CUX1: variants seen among roughly 807,000 people sequenced by gnomAD.
CUX1 encodes the protein protein CASP.
In CUX1, 31 loss-of-function variants were observed where a neutral mutation model predicts 158.8. That is an observed-to-expected ratio of 0.20 (90% CI 0.15 to 0.26). CUX1 has a LOEUF of 0.26. CUX1 is among the 10% of genes least tolerant of loss of function. The pLI is 1.00. For synonymous variants in CUX1, 879 were observed against 862.1 expected, an observed-to-expected ratio of 1.02 and a Z score of -0.34; for missense variants, 1,589 against 2,014.6, an observed-to-expected ratio of 0.79 and a Z score of 4.04.
intron 1 of CUX1, among the ~76,000 whole-genome samples, chr7:101,878,551 G>A (rs1362785976): frequency 6.6e-6 from 1 of 152,158 alleles, no homozygotes; most frequent in African/African-American, 2.4e-5. Flanking sequence ...TCACCTTGAT[G>A]CAGTTTTGTT....
At chr7:102,155,607 T>G (rs1554505032) in intron 8 of CUX1, among the ~76,000 whole-genome samples, 1 of 133,330 alleles carries the variant, frequency 7.5e-6, no homozygotes, top group Non-Finnish European at 1.7e-5. Flanking sequence ...GTTTGCAAGC[T>G]TTTATTTTGT....
intron 4 of CUX1, among the ~76,000 whole-genome samples, chr7:102,072,921 G>A (rs536323070): frequency 1.1e-4 from 16 of 152,120 alleles, no homozygotes; most frequent in East Asian, 7.7e-4. Context: ...TTTGTGTTTC[G>A]AAAGAGTTCA....
intron 1 of CUX1, among the ~76,000 whole-genome samples, chr7:101,900,774 C>A (rs1584926282): frequency 6.6e-6 from 1 of 152,112 alleles, no homozygotes; most frequent in East Asian, 1.9e-4. Context: ...AAAGCCAAAC[C>A]TGACAGTTTC....
intron 9 of CUX1, chr7:102,161,305 A>ATG (rs1790408131): frequency 6.6e-6 from 1 of 152,202 alleles, no homozygotes; most frequent in Non-Finnish European, 1.5e-5. Flanking sequence ...CTATGATTGC[A>ATG]CCACTGCACC....
rs151239628 is a variant in CUX1, at chr7:102,028,293, G to A, written c.189+148G>A. 643 of 736,336 alleles carry A rather than the reference G, an allele frequency of 8.7e-4. 1 individual carries two copies. The highest frequency in any genetic ancestry group is 2.6e-3 in the Admixed American group (95 of 36,852). 45.6% of individuals were successfully genotyped at this position (736,336 alleles called of 1,614,324 possible). On this transcript the variant is annotated intron_variant, in intron 3 of 23. Coordinates refer to ENST00000292535, the MANE Select transcript of CUX1 (RefSeq NM_181552.4). ...CGACCCAGCGTCATGCAGATTTTGC[G>A]CTCTGTGATGTGATTTTCCATTGGG...
intron 3 of CUX1, among the ~76,000 whole-genome samples, chr7:102,053,352 G>A (rs1282379962): frequency 6.6e-6 from 1 of 152,144 alleles, no homozygotes; most frequent in East Asian, 1.9e-4. Flanking sequence ...TGGAGCACAT[G>A]AGATGTTTTG....
At chr7:102,077,280 T>TG in intron 4 of CUX1, among the ~76,000 whole-genome samples, 1 of 150,712 alleles carries the variant, frequency 6.6e-6, no homozygotes, top group Non-Finnish European at 1.5e-5. Context: ...GACCAGCAGG[T>TG]GGGGAGAATG....
chr7:102,172,502 C>T (rs1791839376), intron 10 of CUX1, among the ~76,000 whole-genome samples: 1 of 152,158 alleles, frequency 6.6e-6, no homozygotes, highest in Non-Finnish European at 1.5e-5. Flanking sequence ...TCAGGTTATC[C>T]ACCTCCCAAA....
At chr7:102,229,216 C>T (rs965197141) in intron 21 of CUX1, among the ~76,000 whole-genome samples, 1 of 152,134 alleles carries the variant, frequency 6.6e-6, no homozygotes, top group Non-Finnish European at 1.5e-5. Context: ...CTCTAGCCCC[C>T]TGGGTGCTCG....
chr7:102,262,027 G>A (rs144069557), downstream of CUX1, among the ~76,000 whole-genome samples: 2 of 152,198 alleles, frequency 1.3e-5, no homozygotes, highest in African/African-American at 4.8e-5. Context: ...CTGAAGGATC[G>A]CTTCAGCCCA....
At chr7:101,857,366 G>C (rs1036539247) in intron 1 of CUX1, among the ~76,000 whole-genome samples, 1 of 152,344 alleles carries the variant, frequency 6.6e-6, no homozygotes, top group African/African-American at 2.4e-5. Flanking sequence ...TGGCCACCAA[G>C]TACTTTTCAA....
At chr7:102,082,745 C>T (rs1468812679) in intron 4 of CUX1, among the ~76,000 whole-genome samples, 2 of 147,136 alleles carry the variant, frequency 1.4e-5, no homozygotes, top group African/African-American at 4.9e-5. Flanking sequence ...TTTCACTCAG[C>T]GCGGTGTTTT....
chr7:101,950,188 T>C (rs1808890630), intron 2 of CUX1, among the ~76,000 whole-genome samples: 1 of 152,152 alleles, frequency 6.6e-6, no homozygotes, highest in Non-Finnish European at 1.5e-5. Flanking sequence ...TTTTGTATTT[T>C]TAGTAGAGAC....
intron 2 of CUX1, among the ~76,000 whole-genome samples, chr7:101,974,505 A>G (rs1340120133): frequency 6.6e-6 from 1 of 152,242 alleles, no homozygotes; most frequent in Non-Finnish European, 1.5e-5. Flanking sequence ...CTAGTAGGAA[A>G]TCTAATTCAG....
rs1042877200 is a variant in CUX1, at chr7:101,985,285, C to T, written c.142-42813C>T. 7.2e-5 allele frequency among the ~76,000 whole-genome samples: 11 copies of T among 152,080 alleles called. 1 individual carries two copies. The highest frequency in any genetic ancestry group is 9.6e-5 in the African/African-American group (4 of 41,460). On this transcript the variant is annotated intron_variant, in intron 2 of 23. Transcript: ENST00000292535. ...CTGCAGACGGGAGAGGGGGGTCGTG[C>T]GGGGAGATCAGCCTCTGGAGGAAGG...
chr7:102,093,680 A>G (rs1467789333), intron 4 of CUX1, among the ~76,000 whole-genome samples: 7 of 152,184 alleles, frequency 4.6e-5, no homozygotes, highest in African/African-American at 1.7e-4. Context: ...GAATATGTAC[A>G]GTATTGTTGT....
intron 1 of CUX1, among the ~76,000 whole-genome samples, chr7:101,868,215 A>G (rs1274390249): frequency 2.6e-5 from 4 of 152,318 alleles, no homozygotes; most frequent in African/African-American, 4.8e-5. Context: ...TCCAGAGTCC[A>G]GTCCTTCTAG....
intron 2 of CUX1, among the ~76,000 whole-genome samples, chr7:101,957,809 A>G (rs1809953868): frequency 6.6e-6 from 1 of 152,222 alleles, no homozygotes; most frequent in Non-Finnish European, 1.5e-5. Flanking sequence ...AGTCTGCAAA[A>G]TAGAGTCTTT....
At chr7:101,964,150 G>A (rs533482231) in intron 2 of CUX1, among the ~76,000 whole-genome samples, 7 of 151,964 alleles carry the variant, frequency 4.6e-5, no homozygotes, top group Non-Finnish European at 1.0e-4. Context: ...TTAGGAGTTC[G>A]AGACCAGCCT....
Sources: allele counts gnomAD v4.1 joint callset (sites outside exome capture counted in the v4.1 genomes callset), GRCh38; gene constraint gnomAD v4.1.1; transcripts MANE v1.5; gene names NCBI Gene and HGNC (gene_info 2026-07-23, HGNC 2026-07-21).